Variants in RFX3 observed in about 807,000 individuals in gnomAD.
The protein encoded by RFX3 is regulatory factor X3.
RFX3 carries 14 observed loss-of-function variants against 98.6 expected under a neutral mutation model. The ratio of observed to expected loss-of-function variants is 0.14; its 90% CI spans 0.09 to 0.22. The LOEUF (loss-of-function observed/expected upper bound fraction) is 0.22. Among genes scored for constraint, RFX3 ranks in the 10% least tolerant of loss-of-function variants. The pLI, the probability that RFX3 is intolerant of heterozygous loss-of-function variation, is 1.00. For missense variants in RFX3, 639 were observed against 926.9 expected (o/e 0.69, Z 4.03); for synonymous variants, 383 against 328.4 (o/e 1.17, Z -1.80).
At chr9:3,414,106 T>C (rs961227066) in intron 1 of RFX3, among the ~76,000 whole-genome samples, 2 of 152,150 alleles carry the variant, frequency 1.3e-5, no homozygotes, top group Non-Finnish European at 2.9e-5. Context: ...TTGAGTACTT[T>C]ATTGAAATGG....
At chr9:3,261,852 C>T (rs539765680) in intron 13 of RFX3, among the ~76,000 whole-genome samples, 14 of 152,168 alleles carry the variant, frequency 9.2e-5, no homozygotes, top group African/African-American at 2.9e-4. Flanking sequence ...TTAGAGTATA[C>T]GAAATGGTAC....
chr9:3,509,886 G>A (rs1277113226), intron 1 of RFX3, among the ~76,000 whole-genome samples: 1 of 151,958 alleles, frequency 6.6e-6, no homozygotes, highest in Non-Finnish European at 1.5e-5. Flanking sequence ...GATGTTCTAT[G>A]TCATTGTACA....
intron 15 of RFX3, among the ~76,000 whole-genome samples, chr9:3,235,537 G>C (rs631914): frequency 0.6 from 91,162 of 152,066 alleles, 28,235 homozygotes; most frequent in East Asian, 0.88. Context: ...GAGGTCAGAA[G>C]TTCTAAATGG....
intron 14 of RFX3, among the ~76,000 whole-genome samples, chr9:3,255,902 C>T (rs977199403): frequency 9.2e-5 from 14 of 151,990 alleles, no homozygotes; most frequent in African/African-American, 3.1e-4. Context: ...TACTGATGAT[C>T]ATTAGAATCA....
chr9:3,500,422 A>G (rs1047430785), intron 1 of RFX3, among the ~76,000 whole-genome samples: 2 of 152,170 alleles, frequency 1.3e-5, no homozygotes, highest in African/African-American at 4.8e-5. Flanking sequence ...AACAAATATG[A>G]AAGTTTATAT....
At chr9:3,307,303 C>T (rs1829440611) in intron 4 of RFX3, among the ~76,000 whole-genome samples, 1 of 152,060 alleles carries the variant, frequency 6.6e-6, no homozygotes, top group Non-Finnish European at 1.5e-5. Flanking sequence ...CAGACTGCAA[C>T]TTTGTGGCTA....
chr9:3,426,911 A>AG (rs1844091949), intron 1 of RFX3, among the ~76,000 whole-genome samples: 1 of 152,112 alleles, frequency 6.6e-6, no homozygotes, highest in African/African-American at 2.4e-5. Context: ...TCCACCCCCT[A>AG]GTCCATGTTA....
chr9:3,461,852 A>G (rs1041852202), intron 1 of RFX3, among the ~76,000 whole-genome samples: 1 of 152,000 alleles, frequency 6.6e-6, no homozygotes, highest in Non-Finnish European at 1.5e-5. Flanking sequence ...TAAATAAGCT[A>G]TTTTATTTTC....
chr9:3,310,462 A>G (rs531873408), intron 4 of RFX3, among the ~76,000 whole-genome samples: 1 of 152,354 alleles, frequency 6.6e-6, no homozygotes, highest in East Asian at 1.9e-4. Context: ...TTTTGTTAAA[A>G]GAGTAAAGGT....
At chr9:3,364,298 C>G (rs1836798619) in intron 2 of RFX3, 1 of 153,824 alleles carries the variant, frequency 6.5e-6, no homozygotes, top group African/African-American at 2.4e-5. Context: ...TAGTAATTGA[C>G]TAGGTTACAA....
At chr9:3,236,224 T>C (rs1211515897) in intron 15 of RFX3, among the ~76,000 whole-genome samples, 1 of 152,214 alleles carries the variant, frequency 6.6e-6, no homozygotes, top group Non-Finnish European at 1.5e-5. Flanking sequence ...TTCCTACCGG[T>C]CTGAAAGTGT....
intron 1 of RFX3, among the ~76,000 whole-genome samples, chr9:3,420,220 T>G (rs937570937): frequency 6.6e-6 from 1 of 152,142 alleles, no homozygotes; most frequent in African/African-American, 2.4e-5. Context: ...CTTTCACCAC[T>G]TGGGAGAATG....
intron 4 of RFX3, among the ~76,000 whole-genome samples, chr9:3,322,835 C>T (rs1183046120): frequency 9.9e-5 from 15 of 152,168 alleles, no homozygotes; most frequent in Admixed American, 9.8e-4. Context: ...ACAATCACAT[C>T]ATCTACAAGT....
At chr9:3,292,006 G>T (rs1019471145) in intron 6 of RFX3, among the ~76,000 whole-genome samples, 2 of 127,536 alleles carry the variant, frequency 1.6e-5, no homozygotes, top group African/African-American at 5.9e-5. Flanking sequence ...GCAGTGAGCT[G>T]AGATCGTGCC....
chr9:3,455,362 G>GCCTTCCCTTC lies in RFX3; in HGVS notation c.-8-59776_-8-59767dup, dbSNP rs766574944. ...GCATATTCTTTCTTAATTCAGGCAA[G>GCCTTCCCTTC]CCTTCCCTTCCCTTCCCTTCCCTTA... On this transcript the variant is annotated intron_variant, in intron 1 of 16. Transcript: ENST00000617270. 5.9e-5 allele frequency among the ~76,000 whole-genome samples: 9 copies of GCCTTCCCTTC among 152,106 alleles called. No individual in the cohort carries two copies. The East Asian group carries it at 1.7e-3, about 29-fold the overall frequency.
At chr9:3,482,428 T>C (rs1849852897) in intron 1 of RFX3, among the ~76,000 whole-genome samples, 1 of 152,144 alleles carries the variant, frequency 6.6e-6, no homozygotes, top group Non-Finnish European at 1.5e-5. Flanking sequence ...CATACATATT[T>C]TTACTTTCTT....
chr9:3,417,412 A>G (rs1057146373), intron 1 of RFX3, among the ~76,000 whole-genome samples: 1 of 152,114 alleles, frequency 6.6e-6, no homozygotes. Context: ...TTAAGAAGAC[A>G]GACCATACCT....
chr9:3,405,839 G>A (rs932018183), intron 1 of RFX3, among the ~76,000 whole-genome samples: 2 of 152,102 alleles, frequency 1.3e-5, no homozygotes, highest in African/African-American at 4.8e-5. Context: ...TACTTAACAA[G>A]GCTTAGGAGG....
chr9:3,320,453 G>A (rs923983061), intron 4 of RFX3, among the ~76,000 whole-genome samples: 4 of 151,746 alleles, frequency 2.6e-5, no homozygotes, highest in African/African-American at 7.3e-5. Flanking sequence ...TTGGGAGGAT[G>A]AGGCAGGAGA....
Sources: gnomAD v4.1 joint callset for allele counts (sites outside exome capture counted in the v4.1 genomes callset) on GRCh38, gnomAD v4.1.1 for gene constraint, MANE v1.5 for transcripts, NCBI Gene and HGNC (gene_info 2026-07-23, HGNC 2026-07-21) for gene names.